Variants in KHDRBS2 observed in about 807,000 individuals in gnomAD.
KHDRBS2 encodes the protein KH domain-containing, RNA-binding, signal transduction-associated protein 2.
A neutral mutation model predicts 44.3 loss-of-function variants in KHDRBS2; 26 were observed. That is an observed-to-expected ratio of 0.59 (90% CI 0.43 to 0.81). The LOEUF (loss-of-function observed/expected upper bound fraction) is 0.81. Ranked by LOEUF, KHDRBS2 falls within the 40% of genes least tolerant of loss-of-function variation. The pLI is 0.00. For synonymous variants in KHDRBS2, 194 were observed against 151.1 expected, an observed-to-expected ratio of 1.28 and a Z score of -2.08; for missense variants, 476 against 433.1, an observed-to-expected ratio of 1.10 and a Z score of -0.88.
At chr6:61,895,571 A>T (rs1802792278) in intron 5 of KHDRBS2, among the ~76,000 whole-genome samples, 1 of 152,356 alleles carries the variant, frequency 6.6e-6, no homozygotes, top group South Asian at 2.1e-4. Context: ...TCTGTATTGC[A>T]GTTCTTGATA....
At chr6:61,774,005 A>G (rs1226293729) in intron 6 of KHDRBS2, among the ~76,000 whole-genome samples, 1 of 152,020 alleles carries the variant, frequency 6.6e-6, no homozygotes, top group South Asian at 2.1e-4. Flanking sequence ...TGATCTATAT[A>G]TCTGTTTTGG....
At chr6:61,657,302 T>C in the KHDRBS2 span, among the ~76,000 whole-genome samples, 2 of 152,032 alleles carry the variant, frequency 1.3e-5, no homozygotes, top group African/African-American at 4.8e-5. Flanking sequence ...ATCAAAGCTT[T>C]CTATCATCAA....
At chr6:61,695,457 A>G (rs1767805089) in intron 8 of KHDRBS2, among the ~76,000 whole-genome samples, 1 of 152,178 alleles carries the variant, frequency 6.6e-6, no homozygotes, top group Admixed American at 6.5e-5. Context: ...AGATAGATGT[A>G]TAATTTCTAT....
chr6:61,549,785 G>A, the KHDRBS2 span, among the ~76,000 whole-genome samples: 11 of 152,114 alleles, frequency 7.2e-5, no homozygotes, highest in African/African-American at 2.7e-4. Context: ...AATTGGGATA[G>A]TTTTAGTTTC....
chr6:62,187,449 A>G (rs773745503), intron 1 of KHDRBS2, among the ~76,000 whole-genome samples: 15 of 152,162 alleles, frequency 9.9e-5, no homozygotes, highest in Non-Finnish European at 1.9e-4. Flanking sequence ...CTTCAATCTT[A>G]CAGTCTAGGG....
At chr6:62,260,618 T>G (rs1199561028) in intron 1 of KHDRBS2, among the ~76,000 whole-genome samples, 2 of 152,002 alleles carry the variant, frequency 1.3e-5, no homozygotes, top group Non-Finnish European at 2.9e-5. Context: ...AAAACTTCAT[T>G]AATCTTGCTT....
chr6:61,966,650 C>G (rs1321516104), intron 4 of KHDRBS2, among the ~76,000 whole-genome samples: 1 of 152,016 alleles, frequency 6.6e-6, no homozygotes, highest in African/African-American at 2.4e-5. Flanking sequence ...CATGCTGTCA[C>G]TAGTCACATG....
At chr6:61,812,243 C>G (rs1186410541) in intron 6 of KHDRBS2, among the ~76,000 whole-genome samples, 2 of 151,636 alleles carry the variant, frequency 1.3e-5, no homozygotes, top group African/African-American at 4.8e-5. Flanking sequence ...TAAAATAACC[C>G]ATGTGATTTT....
At chr6:61,633,519 C>A in the KHDRBS2 span, among the ~76,000 whole-genome samples, 1 of 152,058 alleles carries the variant, frequency 6.6e-6, no homozygotes, top group Admixed American at 6.6e-5. Context: ...AATCTGCAAT[C>A]TGGCTTAGGT....
chr6:61,804,995 G>T (rs1018108893), intron 6 of KHDRBS2, among the ~76,000 whole-genome samples: 4 of 152,120 alleles, frequency 2.6e-5, no homozygotes, highest in Non-Finnish European at 4.4e-5. Flanking sequence ...CTCAGAAAAT[G>T]GATTTTTCTT....
intron 6 of KHDRBS2, among the ~76,000 whole-genome samples, chr6:61,836,879 G>T (rs1792778195): frequency 6.6e-6 from 1 of 151,992 alleles, no homozygotes; most frequent in Non-Finnish European, 1.5e-5. Context: ...TTGACAAGAG[G>T]CTTACGATTC....
chr6:61,758,082 C>G (rs561371168), intron 6 of KHDRBS2, among the ~76,000 whole-genome samples: 82 of 152,210 alleles, frequency 5.4e-4, no homozygotes, highest in African/African-American at 1.9e-3. Context: ...TCCTTGAACT[C>G]TCACTTCTCT....
At chr6:62,036,249 T>C (rs957514506) in intron 3 of KHDRBS2, among the ~76,000 whole-genome samples, 2 of 151,938 alleles carry the variant, frequency 1.3e-5, no homozygotes, top group African/African-American at 4.8e-5. Context: ...CAACATTTTG[T>C]AAATAAGTCA....
chr6:62,255,620 AC>A (rs1837258811), intron 1 of KHDRBS2, among the ~76,000 whole-genome samples: 1 of 93,498 alleles, frequency 1.1e-5, no homozygotes, highest in Non-Finnish European at 3.0e-5. Flanking sequence ...ACACACACAC[AC>A]ACACACACAC....
In KHDRBS2 at chr6:62,120,834, G is replaced by A. The variant is rs147407224; in HGVS notation, c.219+56351C>T. Among the ~76,000 whole-genome samples, 33 of 152,238 alleles carry A rather than the reference G, an allele frequency of 2.2e-4. No homozygotes were observed. The East Asian group carries it at 5.4e-3, about 25-fold the overall frequency. On this transcript the variant is annotated intron_variant, in intron 2 of 8. Transcript: ENST00000281156. ...GGGGAGGCCAGGTCTACTCGAGGAA[G>A]GACCCCACTACATTACCAACAAATT...
At chr6:62,184,189 G>C (rs1406946317) in intron 1 of KHDRBS2, among the ~76,000 whole-genome samples, 1 of 151,518 alleles carries the variant, frequency 6.6e-6, no homozygotes, top group Non-Finnish European at 1.5e-5. Flanking sequence ...ATTATAATAA[G>C]CTTCCATCAC....
chr6:62,150,776 A>G (rs1214884613), intron 2 of KHDRBS2, among the ~76,000 whole-genome samples: 1 of 152,190 alleles, frequency 6.6e-6, no homozygotes, highest in East Asian at 1.9e-4. Flanking sequence ...TTTGTGTCAC[A>G]GAAGGCTTTA....
chr6:62,125,559 C>A (rs1035535352), intron 2 of KHDRBS2, among the ~76,000 whole-genome samples: 1 of 152,154 alleles, frequency 6.6e-6, no homozygotes, highest in Non-Finnish European at 1.5e-5. Context: ...CAGCCCCAGG[C>A]AGCACAGCTT....
intron 6 of KHDRBS2, among the ~76,000 whole-genome samples, chr6:61,867,810 G>T (rs1254520554): frequency 6.6e-6 from 1 of 152,184 alleles, no homozygotes; most frequent in Admixed American, 6.5e-5. Context: ...ATGGCCGCCT[G>T]CCCCATCCTC....
Sources: gnomAD v4.1 joint callset for allele counts (sites outside exome capture counted in the v4.1 genomes callset) on GRCh38, gnomAD v4.1.1 for gene constraint, MANE v1.5 for transcripts, NCBI Gene and HGNC (gene_info 2026-07-23, HGNC 2026-07-21) for gene names.